The following JAK2 variants were observed in gnomAD, a reference collection of about 807,000 sequenced individuals.
JAK2 encodes the protein Janus kinase 2, also known as tyrosine-protein kinase JAK2.
In JAK2, 86 loss-of-function variants were observed where a neutral mutation model predicts 139.3. The ratio of observed to expected loss-of-function variants is 0.62; its 90% CI spans 0.52 to 0.74. The LOEUF is 0.74. Among genes scored for constraint, JAK2 ranks in the 30% least tolerant of loss-of-function variants. JAK2 has a pLI of 0.00. For missense variants in JAK2, 1,421 were observed against 1,360.3 expected (o/e 1.04, Z -0.70); for synonymous variants, 490 against 437.7 (o/e 1.12, Z -1.49).
At chr9:5,069,862 C>G (rs2130528271) in intron 11 of JAK2, 63 bp from the exon 12 acceptor site, 1 of 1,139,346 alleles carries the variant, frequency 8.8e-7, no homozygotes, top group Non-Finnish European at 1.2e-6. Context: ...TTTTACTCCT[C>G]TTTGGAGCAA....
chr9:5,003,254 C>G (rs1207774908), intron 2 of JAK2, among the ~76,000 whole-genome samples: 2 of 151,906 alleles, frequency 1.3e-5, no homozygotes, highest in Admixed American at 1.3e-4. Context: ...TCCACAAAAA[C>G]TGCTAGGATT....
chr9:4,996,685 T>G (rs1329078366), intron 2 of JAK2, among the ~76,000 whole-genome samples: 1 of 151,782 alleles, frequency 6.6e-6, no homozygotes, highest in East Asian at 1.9e-4. Flanking sequence ...AAAAAAAAAT[T>G]ATCCTTGCCT....
chr9:4,992,247 C>T (rs1485511281), intron 2 of JAK2, among the ~76,000 whole-genome samples: 1 of 152,142 alleles, frequency 6.6e-6, no homozygotes, highest in East Asian at 1.9e-4. Flanking sequence ...TGGATTTCCT[C>T]ACAATATGGT....
At chr9:5,020,467 T>G (rs1165164292) in intron 2 of JAK2, among the ~76,000 whole-genome samples, 1 of 152,102 alleles carries the variant, frequency 6.6e-6, no homozygotes, top group South Asian at 2.1e-4. Flanking sequence ...TCCAATTTCC[T>G]GGTGGAATGT....
chr9:5,108,589 C>T (rs755884359), intron 22 of JAK2: 23 of 151,960 alleles, frequency 1.5e-4, no homozygotes, highest in African/African-American at 5.3e-4. Context: ...CATGTAGAAG[C>T]CCCTATTGCC....
At chr9:4,993,103 C>A (rs12340582) in intron 2 of JAK2, among the ~76,000 whole-genome samples, 1 of 152,140 alleles carries the variant, frequency 6.6e-6, no homozygotes, top group African/African-American at 2.4e-5. Flanking sequence ...AATACAACTC[C>A]TTTAAAAACT....
Position 5,075,187 on chromosome 9 carries a change from A to G in JAK2, c.1864+1402A>G, listed in dbSNP as rs1831226. 5.3e-5 allele frequency among the ~76,000 whole-genome samples: 8 copies of G among 152,262 alleles called. No individual in the cohort carries two copies. In the East Asian group the frequency reaches 1.5e-3, roughly 29 times the overall value. ...GTTTAAGAAAAGAAGCCATGTGCAC[A>G]GCATAAGTGCAAGGTGAAGCAGCAA... is the stretch of plus-strand genomic sequence containing the variant. On this transcript the variant is annotated intron_variant, in intron 14 of 24. Coordinates refer to ENST00000381652, the MANE Select transcript of JAK2 (RefSeq NM_004972.4).
At chr9:5,018,364 C>T (rs549641161) in intron 2 of JAK2, among the ~76,000 whole-genome samples, 2 of 152,202 alleles carry the variant, frequency 1.3e-5, no homozygotes, top group South Asian at 2.1e-4. Flanking sequence ...GGGTTTTGCT[C>T]TTGTTCTGTC....
chr9:5,001,091 G>A (rs1820901670), intron 2 of JAK2, among the ~76,000 whole-genome samples: 1 of 152,192 alleles, frequency 6.6e-6, no homozygotes, highest in Non-Finnish European at 1.5e-5. Context: ...ATAAGTTCTA[G>A]TAATTTTTTG....
chr9:5,063,972 A>T (rs1212572848), intron 8 of JAK2, among the ~76,000 whole-genome samples: 2 of 152,196 alleles, frequency 1.3e-5, no homozygotes, highest in Non-Finnish European at 2.9e-5. Context: ...CCTGGCCAAC[A>T]TGTTGAAACT....
intron 2 of JAK2, among the ~76,000 whole-genome samples, chr9:5,015,549 T>G (rs1476743176): frequency 6.6e-6 from 1 of 151,528 alleles, no homozygotes; most frequent in Admixed American, 6.6e-5. Flanking sequence ...TTTTTTTTTT[T>G]TTTGAGACAA....
intron 5 of JAK2, 96 bp from the exon 6 acceptor site, chr9:5,050,590 C>T (rs567957702): frequency 1.7e-5 from 22 of 1,270,646 alleles, no homozygotes; most frequent in Non-Finnish European, 2.4e-5. Flanking sequence ...CTTGTAAATG[C>T]ATATGTTCTG....
chr9:5,091,810 G>C (rs542930026), intron 22 of JAK2, among the ~76,000 whole-genome samples: 1 of 152,244 alleles, frequency 6.6e-6, no homozygotes, highest in African/African-American at 2.4e-5. Flanking sequence ...TAGTATACTG[G>C]AGAAGTTAAA....
chr9:5,045,395 TA>T (rs1463612208), intron 5 of JAK2, among the ~76,000 whole-genome samples: 6 of 152,196 alleles, frequency 3.9e-5, no homozygotes, highest in African/African-American at 1.4e-4. Flanking sequence ...CAACAAACTT[TA>T]TTTTTATTGT....
At chr9:5,065,152 T>C in intron 9 of JAK2, 112 bp downstream of exon 9, 1 of 620,142 alleles carries the variant, frequency 1.6e-6, no homozygotes, top group Non-Finnish European at 2.4e-6. Flanking sequence ...TTGACAAGTT[T>C]TTTTTAAACA....
intron 22 of JAK2, chr9:5,113,914 C>G (rs1367701970): frequency 4.3e-6 from 1 of 233,898 alleles, no homozygotes; most frequent in African/African-American, 2.3e-5. Context: ...TGGCAGTGGA[C>G]ACTTACCCCC....
intron 22 of JAK2, among the ~76,000 whole-genome samples, chr9:5,091,784 T>C (rs1178425412): frequency 1.3e-5 from 2 of 152,156 alleles, no homozygotes; most frequent in African/African-American, 4.8e-5. Flanking sequence ...TGGTGAATTG[T>C]AGCTGAATAA....
chr9:5,084,967 T>C (rs1819965796), intron 19 of JAK2: 3 of 739,660 alleles, frequency 4.1e-6, no homozygotes, highest in Admixed American at 3.7e-5. Context: ...CAGTCTGAGA[T>C]AGCTGCCAGA....
At chr9:4,995,162 T>C (rs535301932) in intron 2 of JAK2, among the ~76,000 whole-genome samples, 1 of 152,336 alleles carries the variant, frequency 6.6e-6, no homozygotes, top group East Asian at 1.9e-4. Flanking sequence ...TAATTTGCTT[T>C]TTATTCTCCT....
Sources: gnomAD v4.1 joint callset for allele counts (sites outside exome capture counted in the v4.1 genomes callset) on GRCh38, gnomAD v4.1.1 for gene constraint, MANE v1.5 for transcripts, NCBI Gene and HGNC (gene_info 2026-07-23, HGNC 2026-07-21) for gene names.